COPG2: variants seen among roughly 807,000 people sequenced by gnomAD.
COPG2 encodes the protein coat protein complex I subunit gamma 2, also known as coatomer subunit gamma-2.
COPG2 carries 37 observed loss-of-function variants against 46.3 expected under a neutral mutation model. The observed-to-expected ratio is 0.80, with a 90% confidence interval of 0.61 to 1.05. COPG2 has a LOEUF of 1.05. Among genes scored for constraint, COPG2 ranks in the 50% least tolerant of loss-of-function variants. The pLI is 0.00. For synonymous variants in COPG2, 159 were observed against 129.7 expected (o/e 1.23, Z -1.53); for missense variants, 427 against 387.8 (o/e 1.10, Z -0.85).
intron 20 of COPG2, among the ~76,000 whole-genome samples, chr7:130,516,907 C>G (rs1799682961): frequency 6.6e-6 from 1 of 152,104 alleles, no homozygotes; most frequent in Non-Finnish European, 1.5e-5. Context: ...AAAGTGTAGG[C>G]AGATCTGAGA....
rs781843265 is a variant in COPG2, at chr7:130,611,131, G to C, written c.580-21C>G. ...TGGTACTAAAGAACATGAAAAAGAA[G>C]GTAGCACATGGATTAGAAAGATGTC... On this transcript the variant is annotated intron_variant, in intron 8 of 23. Transcript: ENST00000425248. The C allele has an allele frequency of 4.4e-5, 70 of 1,596,384 alleles. No individual in the cohort carries two copies. In the South Asian group the frequency reaches 6.2e-4, roughly 14 times the overall value.
chr7:130,509,823 T>C (rs1554440801), intron 20 of COPG2: 1 of 506,230 alleles, frequency 2.0e-6, no homozygotes, highest in Admixed American at 2.0e-5. Context: ...GAGAGTGCCA[T>C]GTGAGGGTGC....
intron 5 of COPG2, among the ~76,000 whole-genome samples, chr7:130,624,054 T>C (rs756315748): frequency 2.8e-4 from 43 of 152,130 alleles, no homozygotes; most frequent in Non-Finnish European, 3.5e-4. Context: ...AGGTCCTGTT[T>C]CCTGGTTCAG....
intron 9 of COPG2, chr7:130,605,330 T>C: frequency 2.0e-6 from 1 of 504,096 alleles, no homozygotes; most frequent in Non-Finnish European, 3.9e-6. Flanking sequence ...TATGTCTTCA[T>C]TCCTAGAACT....
chr7:130,581,936 A>C (rs1554447228), intron 9 of COPG2, among the ~76,000 whole-genome samples: 1 of 151,430 alleles, frequency 6.6e-6, no homozygotes, highest in African/African-American at 2.4e-5. Flanking sequence ...GGTAATTTAC[A>C]GATTCAATGC....
At chr7:130,523,284 G>A (rs1799741336) in intron 20 of COPG2, among the ~76,000 whole-genome samples, 2 of 151,816 alleles carry the variant, frequency 1.3e-5, no homozygotes, top group Non-Finnish European at 2.9e-5. Context: ...CCCCCAGGCA[G>A]GCCTATCCAA....
At chr7:130,606,992 G>A (rs1267044664) in intron 9 of COPG2, among the ~76,000 whole-genome samples, 7 of 152,076 alleles carry the variant, frequency 4.6e-5, no homozygotes, top group African/African-American at 1.7e-4. Context: ...TATAATACCA[G>A]CACTTTGGGA....
chr7:130,665,945 C>A (rs936518747), intron 3 of COPG2, among the ~76,000 whole-genome samples: 6 of 152,066 alleles, frequency 3.9e-5, no homozygotes, highest in Non-Finnish European at 7.3e-5. Context: ...ATATCCCCAA[C>A]ACCTAAAACA....
intron 5 of COPG2, chr7:130,645,300 G>C: frequency 1.6e-6 from 1 of 608,666 alleles, no homozygotes; most frequent in Non-Finnish European, 3.2e-6. Flanking sequence ...CCTTCACGAC[G>C]CAATGGGAGT....
At chr7:130,582,889 C>T (rs1794180969) in intron 9 of COPG2, among the ~76,000 whole-genome samples, 1 of 151,908 alleles carries the variant, frequency 6.6e-6, no homozygotes, top group Admixed American at 6.6e-5. Context: ...AACACTTTTA[C>T]ACGTTGGTGG....
At chr7:130,635,477 G>A (rs1554455985) in intron 5 of COPG2, among the ~76,000 whole-genome samples, 1 of 151,926 alleles carries the variant, frequency 6.6e-6, no homozygotes, top group East Asian at 1.9e-4. Context: ...ATTTCTTCTA[G>A]GTTTTCTAGT....
intron 9 of COPG2, among the ~76,000 whole-genome samples, chr7:130,586,321 G>C (rs1270617637): frequency 6.6e-6 from 1 of 152,012 alleles, no homozygotes; most frequent in African/African-American, 2.4e-5. Flanking sequence ...TGGGGGGAGA[G>C]TGGGAAGCAG....
chr7:130,527,946 T>A (rs2116354649), intron 20 of COPG2, among the ~76,000 whole-genome samples: 1 of 152,104 alleles, frequency 6.6e-6, no homozygotes, highest in Admixed American at 6.5e-5. Flanking sequence ...GCCCAGTGAC[T>A]CAGAGGAAGT....
At position 130,662,980 on chromosome 7, in the gene COPG2, A is replaced by T; in HGVS notation, c.230T>A (p.Phe77Tyr). The T allele has an allele frequency of 6.5e-7, 1 of 1,547,694 alleles. No individual in the cohort carries two copies. The highest frequency in any genetic ancestry group is 8.7e-7 in the Non-Finnish European group (1 of 1,146,010). ...AAAAAGACTTACATCATTAGATTGA[A>T]ACAATCGCGTCATTGCAAAGAAGGC... ...TEAFFAMTRL[F>Y]QSNDQTLRRM... is the part of the protein sequence containing the mutation. The change falls in exon 4 of 24, where the codon TTT (phenylalanine) becomes TAT (tyrosine). Residue 77 changes from phenylalanine to tyrosine, a missense_variant. Coordinates refer to ENST00000425248, the MANE Select transcript of COPG2 (RefSeq NM_012133.6).
At chr7:130,582,192 G>A (rs1363685286) in intron 9 of COPG2, among the ~76,000 whole-genome samples, 140 of 147,170 alleles carry the variant, frequency 9.5e-4, no homozygotes, top group Middle Eastern at 3.4e-3. Flanking sequence ...AAATAACGCC[G>A]CATATCTACA....
intron 2 of COPG2, 143 bp downstream of exon 2, chr7:130,667,335 CTCTT>C: frequency 1.6e-6 from 1 of 644,398 alleles, no homozygotes; most frequent in Non-Finnish European, 2.7e-6. Flanking sequence ...CAAGTAACCC[CTCTT>C]TCTTTTCCCT....
intron 20 of COPG2, among the ~76,000 whole-genome samples, chr7:130,529,229 C>T (rs1458961522): frequency 1.3e-5 from 2 of 152,094 alleles, no homozygotes; most frequent in Non-Finnish European, 2.9e-5. Flanking sequence ...AGGGAGCTGA[C>T]ATCAAGGAAA....
chr7:130,623,216 G>C (rs1554453873), intron 5 of COPG2, among the ~76,000 whole-genome samples: 1 of 152,170 alleles, frequency 6.6e-6, no homozygotes, highest in East Asian at 1.9e-4. Flanking sequence ...AAATGCTTCT[G>C]TCTTTTCACA....
At chr7:130,592,927 T>C (rs1794458987) in intron 9 of COPG2, among the ~76,000 whole-genome samples, 1 of 152,260 alleles carries the variant, frequency 6.6e-6, no homozygotes, top group Non-Finnish European at 1.5e-5. Context: ...TTAAAAACTA[T>C]AAAGCCCAAG....
Sources: gnomAD v4.1 joint callset for allele counts (sites outside exome capture counted in the v4.1 genomes callset) on GRCh38, gnomAD v4.1.1 for gene constraint, MANE v1.5 for transcripts, NCBI Gene and HGNC (gene_info 2026-07-23, HGNC 2026-07-21) for gene names.